Variants in SUGCT observed in about 807,000 individuals in gnomAD.
The protein encoded by SUGCT is succinyl-CoA:glutarate-CoA transferase, also known as succinyl-CoA:glutarate CoA-transferase.
In SUGCT, 41 loss-of-function variants were observed where a neutral mutation model predicts 55.0. The observed-to-expected ratio is 0.74, with a 90% CI of 0.58 to 0.97. SUGCT has a LOEUF of 0.97. Ranked by LOEUF, SUGCT falls within the 50% of genes least tolerant of loss-of-function variation. The pLI, the probability that SUGCT is intolerant of heterozygous loss-of-function variation, is 0.00. For missense variants in SUGCT, 568 were observed against 547.8 expected, an observed-to-expected ratio of 1.04 and a Z score of -0.37; for synonymous variants, 187 against 200.4, an observed-to-expected ratio of 0.93 and a Z score of 0.56.
the SUGCT span, among the ~76,000 whole-genome samples, chr7:41,017,520 C>T: frequency 1.3e-5 from 2 of 152,102 alleles, no homozygotes; most frequent in African/African-American, 4.8e-5. Context: ...CCTGTAATCC[C>T]AGCACTTTGG....
At chr7:40,916,067 A>C in the SUGCT span, among the ~76,000 whole-genome samples, 160 of 74,364 alleles carry the variant, frequency 2.2e-3, 1 homozygote, top group African/African-American at 6.9e-3. Context: ...CTCTCTCTCT[A>C]CATACACACA....
chr7:40,532,522 A>G lies in SUGCT; in HGVS notation c.1089+36136A>G, dbSNP rs550833659. Among the ~76,000 whole-genome samples, 129 of 120,044 alleles carry G rather than the reference A, an allele frequency of 1.1e-3. 1 individual carries two copies. The highest frequency in any genetic ancestry group is 5.9e-3 in the South Asian group (22 of 3,736). The allele number at this position is 120,044 out of a possible 152,430, so 78.8% of individuals were successfully genotyped here. ...GTCTGACACCCTGAACTGAGCAAGT[A>G]TGTCTGTGTGTGTGTGTGTGTGTGT... On this transcript the variant is annotated intron_variant, in intron 12 of 13. Transcript: ENST00000335693.
At chr7:40,601,738 CT>C (rs753210004) in intron 12 of SUGCT, among the ~76,000 whole-genome samples, 774 of 142,862 alleles carry the variant, frequency 5.4e-3, no homozygotes, top group Middle Eastern at 0.011. Flanking sequence ...AATGTGAGGA[CT>C]TTTTTTTTTT....
At chr7:40,815,942 A>G (rs899019206) in intron 13 of SUGCT, among the ~76,000 whole-genome samples, 22 of 152,190 alleles carry the variant, frequency 1.4e-4, no homozygotes, top group Non-Finnish European at 1.8e-4. Context: ...AAATGCCTGG[A>G]TTTCTGCCTG....
intron 12 of SUGCT, among the ~76,000 whole-genome samples, chr7:40,515,674 A>G (rs886499943): frequency 2.6e-5 from 4 of 152,192 alleles, no homozygotes; most frequent in African/African-American, 9.7e-5. Context: ...GCTGAATAAT[A>G]TTCTGTTGTG....
At chr7:40,389,586 G>T (rs1038496038) in intron 9 of SUGCT, among the ~76,000 whole-genome samples, 1 of 152,172 alleles carries the variant, frequency 6.6e-6, no homozygotes, top group African/African-American at 2.4e-5. Context: ...CCCTGTGTCA[G>T]TTTATATCCT....
chr7:40,252,418 C>T (rs896679210), intron 7 of SUGCT, among the ~76,000 whole-genome samples: 18 of 151,656 alleles, frequency 1.2e-4, no homozygotes, highest in African/African-American at 4.1e-4. Context: ...TGTGCCTGGC[C>T]CAAAAAACTC....
chr7:41,008,619 T>C, the SUGCT span, among the ~76,000 whole-genome samples: 1 of 151,522 alleles, frequency 6.6e-6, no homozygotes, highest in Admixed American at 6.6e-5. Flanking sequence ...GCTCCACATC[T>C]TCCATGGAGA....
intron 10 of SUGCT, among the ~76,000 whole-genome samples, chr7:40,458,102 C>T (rs1290138144): frequency 7.9e-5 from 12 of 152,202 alleles, no homozygotes; most frequent in Admixed American, 7.2e-4. Context: ...ATCTTCTTCA[C>T]TTCTCTGTCC....
At chr7:40,922,423 G>A in the SUGCT span, among the ~76,000 whole-genome samples, 101 of 152,264 alleles carry the variant, frequency 6.6e-4, 4 homozygotes, top group South Asian at 0.016. Flanking sequence ...TCATTAGGTG[G>A]CTCTTGCAGT....
At chr7:40,158,849 G>A (rs1396390407) in intron 1 of SUGCT, among the ~76,000 whole-genome samples, 2 of 152,066 alleles carry the variant, frequency 1.3e-5, no homozygotes, top group African/African-American at 2.4e-5. Flanking sequence ...TTAAAATGAT[G>A]GATACATTTT....
intron 9 of SUGCT, among the ~76,000 whole-genome samples, chr7:40,339,814 A>C (rs1379383160): frequency 1.3e-5 from 2 of 152,186 alleles, no homozygotes; most frequent in Non-Finnish European, 2.9e-5. Flanking sequence ...GGAAATGCAG[A>C]AATCACCCGT....
At chr7:40,710,862 A>T (rs754761229) in intron 12 of SUGCT, among the ~76,000 whole-genome samples, 10 of 152,186 alleles carry the variant, frequency 6.6e-5, no homozygotes, top group Non-Finnish European at 1.3e-4. Flanking sequence ...GATGCCATCT[A>T]AAATAAACTC....
At chr7:40,434,158 G>T (rs550366186) in intron 9 of SUGCT, among the ~76,000 whole-genome samples, 1 of 152,268 alleles carries the variant, frequency 6.6e-6, no homozygotes, top group Admixed American at 6.5e-5. Context: ...TAACTTCCTA[G>T]TTGGTCTAAA....
At chr7:40,533,727 A>G (rs186786407) in intron 12 of SUGCT, among the ~76,000 whole-genome samples, 212 of 152,282 alleles carry the variant, frequency 1.4e-3, no homozygotes, top group African/African-American at 4.5e-3. Flanking sequence ...GTTCTATTAA[A>G]TAACAACTTT....
Position 40,459,108 on chromosome 7 carries a change from AT to A in SUGCT, c.899del (p.Leu300CysfsTer4). 1.9e-6 allele frequency: 3 copies of A among 1,608,294 alleles called. No homozygotes were observed. The East Asian group carries it at 6.7e-5, about 36-fold the overall frequency. On this transcript the variant is annotated frameshift_variant, in exon 11 of 14. Coordinates refer to ENST00000335693, the MANE Select transcript of SUGCT (RefSeq NM_001193313.2). LOFTEE classifies it high-confidence loss of function. ...QQFATVCKIL[D>X]LPELIDNSKY... ...ATTATTTTTTTCTTTTAGATCTTGG[AT>A]TTGCCTGAGTTGATTGATAATTCCA...
chr7:40,267,167 C>G (rs186689137), intron 7 of SUGCT, among the ~76,000 whole-genome samples: 134 of 152,220 alleles, frequency 8.8e-4, no homozygotes, highest in African/African-American at 3.1e-3. Context: ...TGTCCTCACA[C>G]TATAATTGTA....
chr7:40,202,240 T>G (rs912858016), intron 6 of SUGCT, among the ~76,000 whole-genome samples: 6 of 152,208 alleles, frequency 3.9e-5, no homozygotes, highest in African/African-American at 1.4e-4. Flanking sequence ...CCCAAAGTGT[T>G]GGGATTATAG....
chr7:40,690,754 T>G (rs1784659304), intron 12 of SUGCT, among the ~76,000 whole-genome samples: 1 of 152,122 alleles, frequency 6.6e-6, no homozygotes. Context: ...TTTTTGTATT[T>G]TTTTGTAGAA....
Sources: gnomAD v4.1 joint callset for allele counts (sites outside exome capture counted in the v4.1 genomes callset) on GRCh38, gnomAD v4.1.1 for gene constraint, MANE v1.5 for transcripts, NCBI Gene and HGNC (gene_info 2026-07-23, HGNC 2026-07-21) for gene names.